Variants in SLC5A1 observed in about 807,000 individuals in gnomAD.
The protein encoded by SLC5A1 is solute carrier family 5 member 1, also known as sodium/glucose cotransporter 1.
In SLC5A1, 42 loss-of-function variants were observed where a neutral mutation model predicts 73.5. The observed-to-expected ratio is 0.57, with a 90% CI of 0.45 to 0.74. The LOEUF is 0.74. SLC5A1 is among the 30% of genes least tolerant of loss of function. SLC5A1 has a pLI of 0.00. For missense variants in SLC5A1, 634 were observed against 855.4 expected, an observed-to-expected ratio of 0.74 and a Z score of 3.23; for synonymous variants, 300 against 317.4, an observed-to-expected ratio of 0.95 and a Z score of 0.58.
intron 5 of SLC5A1, among the ~76,000 whole-genome samples, chr22:32,075,600 A>T (rs1342592751): frequency 6.6e-6 from 1 of 152,158 alleles, no homozygotes; most frequent in African/African-American, 2.4e-5. Flanking sequence ...AGTACAGAGT[A>T]GGTTAGAATT....
At chr22:32,052,030 G>C (rs1352376416) in intron 2 of SLC5A1, among the ~76,000 whole-genome samples, 1 of 152,198 alleles carries the variant, frequency 6.6e-6, no homozygotes, top group Non-Finnish European at 1.5e-5. Flanking sequence ...TTGAAGGACT[G>C]TCATATCACT....
chr22:32,079,426 A>G (rs2093996146), intron 5 of SLC5A1, among the ~76,000 whole-genome samples: 1 of 152,248 alleles, frequency 6.6e-6, no homozygotes, highest in East Asian at 1.9e-4. Context: ...TCATAAAAAC[A>G]AGACTTTTAT....
Position 32,110,392 on chromosome 22 carries a change from A to C in SLC5A1, c.*179A>C. 1.5e-6 allele frequency: 1 copy of C among 657,542 alleles called. No homozygotes were observed. The highest frequency in any genetic ancestry group is 1.7e-5 in the South Asian group (1 of 58,416). The allele number at this position is 657,542 out of a possible 1,614,324, so 40.7% of individuals were successfully genotyped here. A position where few individuals can be genotyped will look rare whatever the true frequency, so the allele number is the denominator to read the frequency against. On this transcript the variant is annotated 3_prime_UTR_variant, in exon 15 of 15. Coordinates refer to ENST00000266088, the MANE Select transcript of SLC5A1 (RefSeq NM_000343.4). The stretch of plus-strand genomic sequence containing the variant: ...CCATTAGTTTGCTGTTAATTTATGC[A>C]TTTGAAGCCAGTGTGATACAGCCAT...
chr22:32,055,732 T>C (rs1306492830), intron 2 of SLC5A1, among the ~76,000 whole-genome samples: 1 of 152,218 alleles, frequency 6.6e-6, no homozygotes, highest in Non-Finnish European at 1.5e-5. Context: ...TTGTCATCTG[T>C]AAATGAAGAT....
chr22:32,102,836 A>T (rs1320963624), intron 13 of SLC5A1, among the ~76,000 whole-genome samples: 1 of 152,108 alleles, frequency 6.6e-6, no homozygotes, highest in East Asian at 1.9e-4. Flanking sequence ...TTGTCTTTTT[A>T]TGCCTGGCTT....
chr22:32,081,716 G>A (rs896830937), intron 5 of SLC5A1, 150 bp from the exon 6 acceptor site: 2 of 708,844 alleles, frequency 2.8e-6, no homozygotes, highest in African/African-American at 1.8e-5. Flanking sequence ...GCATTTTATA[G>A]ACCTTTTTGA....
chr22:32,059,322 GA>G (rs1288060215), intron 2 of SLC5A1: 1 of 985,544 alleles, frequency 1.0e-6, no homozygotes, highest in African/African-American at 1.7e-5. Flanking sequence ...CGCACCAGGA[GA>G]GGGGAACAGA....
At chr22:32,065,937 C>T (rs1314691210) in intron 2 of SLC5A1, among the ~76,000 whole-genome samples, 1 of 152,222 alleles carries the variant, frequency 6.6e-6, no homozygotes, top group Non-Finnish European at 1.5e-5. Context: ...CACTCTTCAT[C>T]TGCTTAGCAA....
chr22:32,069,569 T>C (rs2149488515), intron 5 of SLC5A1, among the ~76,000 whole-genome samples: 1 of 152,302 alleles, frequency 6.6e-6, no homozygotes, highest in East Asian at 1.9e-4. Context: ...GATAAGTATT[T>C]GTTTGAGGTA....
intron 7 of SLC5A1, among the ~76,000 whole-genome samples, chr22:32,084,014 C>T (rs544651406): frequency 8.1e-4 from 124 of 152,300 alleles, no homozygotes; most frequent in Middle Eastern, 3.4e-3. Flanking sequence ...TCTGAGGTCC[C>T]AAAGGCCACT....
At chr22:32,100,274 T>C (rs922001400) in intron 12 of SLC5A1, among the ~76,000 whole-genome samples, 2 of 152,216 alleles carry the variant, frequency 1.3e-5, no homozygotes, top group African/African-American at 2.4e-5. Context: ...TGAGATCATA[T>C]CATATGTAAA....
In SLC5A1 at chr22:32,062,743, G is replaced by T. The variant is rs543802925; in HGVS notation, c.208-4192G>T. 5.9e-5 allele frequency among the ~76,000 whole-genome samples: 9 copies of T among 152,284 alleles called. No homozygotes were observed. In the East Asian group the frequency reaches 1.7e-3, roughly 29 times the overall value. ...TGAGCATGGATGAGGAGTGGACAGA[G>T]AAAATGTTTGGGAAATTGGCATGAT... On this transcript the variant is annotated intron_variant, in intron 2 of 14. Coordinates refer to ENST00000266088, the MANE Select transcript of SLC5A1 (RefSeq NM_000343.4).
intron 14 of SLC5A1, among the ~76,000 whole-genome samples, chr22:32,105,191 T>C (rs2094043415): frequency 1.3e-5 from 2 of 152,102 alleles, no homozygotes; most frequent in South Asian, 4.1e-4. Flanking sequence ...GATGCAGGCA[T>C]GCAATCATGC....
intron 14 of SLC5A1, 43 bp from the exon 15 acceptor site, chr22:32,109,947 A>C: frequency 1.3e-6 from 2 of 1,550,882 alleles, no homozygotes; most frequent in Admixed American, 1.7e-5. Flanking sequence ...TTTCTAGTCC[A>C]TCCTGCTTCT....
intron 2 of SLC5A1, among the ~76,000 whole-genome samples, chr22:32,051,284 T>A (rs1331939494): frequency 1.3e-5 from 2 of 152,170 alleles, no homozygotes; most frequent in African/African-American, 4.8e-5. Context: ...AATTCATTAA[T>A]CTCTGAGTCT....
chr22:32,107,582 A>G (rs1195948001), intron 14 of SLC5A1, among the ~76,000 whole-genome samples: 1 of 152,214 alleles, frequency 6.6e-6, no homozygotes, highest in East Asian at 1.9e-4. Context: ...ATTTACCACC[A>G]TCATGATTGC....
intron 2 of SLC5A1, among the ~76,000 whole-genome samples, chr22:32,060,162 C>CACACACACACAA (rs2093959679): frequency 7.5e-6 from 1 of 134,030 alleles, no homozygotes; most frequent in Non-Finnish European, 1.6e-5. Context: ...CACACACACA[C>CACACACACACAA]ACACACACAC....
intron 2 of SLC5A1, among the ~76,000 whole-genome samples, chr22:32,052,214 T>A (rs1336036078): frequency 6.6e-6 from 1 of 152,222 alleles, no homozygotes; most frequent in East Asian, 1.9e-4. Context: ...ATGAGGCCAA[T>A]TGGTGTGGCC....
In SLC5A1 at chr22:32,112,940, A is replaced by G. The variant is rs2094060035; in HGVS notation, c.*2727A>G. The G allele has an allele frequency of 6.6e-6, 1 of 152,234 alleles. No homozygotes were observed. Among genetic ancestry groups the G allele is most frequent in the African/African-American group, 2.4e-5 (1 of 41,446 alleles). The allele number at this position is 152,234 out of a possible 1,614,324, so 9.4% of individuals were successfully genotyped here. ...ATTACCTTAATTTAGTCATTTCACA[A>G]TATGTACATATATAAAAATATGTTG... On this transcript the variant is annotated 3_prime_UTR_variant, in exon 15 of 15. Coordinates refer to ENST00000266088, the MANE Select transcript of SLC5A1 (RefSeq NM_000343.4).
Sources: gnomAD v4.1 joint callset for allele counts (sites outside exome capture counted in the v4.1 genomes callset) on GRCh38, gnomAD v4.1.1 for gene constraint, MANE v1.5 for transcripts, NCBI Gene and HGNC (gene_info 2026-07-23, HGNC 2026-07-21) for gene names.